PRKACB: variants seen among roughly 807,000 people sequenced by gnomAD.
The protein encoded by PRKACB is protein kinase cAMP-activated catalytic subunit beta, also known as cAMP-dependent protein kinase catalytic subunit beta.
A neutral mutation model predicts 51.4 loss-of-function variants in PRKACB; 16 were observed. The ratio of observed to expected loss-of-function variants is 0.31; its 90% confidence interval spans 0.21 to 0.47. The LOEUF (loss-of-function observed/expected upper bound fraction) is 0.47. PRKACB is among the 20% of genes least tolerant of loss of function. PRKACB has a pLI of 1.00. For missense variants in PRKACB, 309 were observed against 464.5 expected (o/e 0.67, Z 3.08); for synonymous variants, 147 against 154.4 (o/e 0.95, Z 0.35).
chr1:84,148,363 T>C (rs543187540), intron 1 of PRKACB, among the ~76,000 whole-genome samples: 4 of 151,962 alleles, frequency 2.6e-5, no homozygotes, highest in African/African-American at 9.6e-5. Context: ...TTATTTATAG[T>C]ATTTATATGG....
At chr1:84,155,018 A>G (rs1012272986) in intron 1 of PRKACB, among the ~76,000 whole-genome samples, 3 of 152,084 alleles carry the variant, frequency 2.0e-5, no homozygotes, top group African/African-American at 7.2e-5. Flanking sequence ...ATGATACTGG[A>G]AGTCCTATCC....
chr1:84,199,886 C>G (rs1572372905), intron 7 of PRKACB, among the ~76,000 whole-genome samples: 1 of 151,978 alleles, frequency 6.6e-6, no homozygotes, highest in African/African-American at 2.4e-5. Context: ...TGCTCTGTCG[C>G]CCAGGCTGCA....
chr1:84,207,613 C>G (rs1195016501), intron 8 of PRKACB, among the ~76,000 whole-genome samples: 3 of 152,128 alleles, frequency 2.0e-5, no homozygotes, highest in African/African-American at 7.2e-5. Flanking sequence ...TCAACATGCT[C>G]GTAGCCAGTA....
At chr1:84,099,206 G>C (rs1438539382) in intron 1 of PRKACB, among the ~76,000 whole-genome samples, 1 of 152,000 alleles carries the variant, frequency 6.6e-6, no homozygotes, top group African/African-American at 2.4e-5. Context: ...AGAAATATAA[G>C]TACAATACCT....
chr1:84,196,803 G>C, intron 6 of PRKACB, 61 bp downstream of exon 6: 1 of 1,467,188 alleles, frequency 6.8e-7, no homozygotes, highest in Non-Finnish European at 9.2e-7. Context: ...GACATTGTAT[G>C]TATGTAACCC....
chr1:84,227,543 ATG>A (rs757113905), intron 9 of PRKACB, among the ~76,000 whole-genome samples: 6 of 152,258 alleles, frequency 3.9e-5, no homozygotes, highest in Non-Finnish European at 2.9e-5. Flanking sequence ...TATTCCTATT[ATG>A]TGTTTAATTT....
chr1:84,181,817 C>G, intron 2 of PRKACB: 1 of 903,300 alleles, frequency 1.1e-6, no homozygotes, highest in Non-Finnish European at 1.6e-6. Flanking sequence ...GCTTCTATGA[C>G]TCTTTGTCAG....
At chr1:84,105,559 ATTT>A (rs1252908717) in intron 1 of PRKACB, among the ~76,000 whole-genome samples, 2 of 44,822 alleles carry the variant, frequency 4.5e-5, no homozygotes, top group Non-Finnish European at 1.5e-4. Context: ...TTATTTATTT[ATTT>A]ATTTATTTAT....
intron 5 of PRKACB, among the ~76,000 whole-genome samples, chr1:84,189,102 C>A (rs983737773): frequency 6.6e-6 from 1 of 151,698 alleles, no homozygotes; most frequent in Non-Finnish European, 1.5e-5. Flanking sequence ...AAAGAAAAAT[C>A]TTCTGCAGTA....
intron 9 of PRKACB, among the ~76,000 whole-genome samples, chr1:84,231,667 G>C (rs1345723945): frequency 6.6e-6 from 1 of 152,150 alleles, no homozygotes; most frequent in Non-Finnish European, 1.5e-5. Flanking sequence ...TATGTGTCGA[G>C]GAATTTATCC....
intron 5 of PRKACB, among the ~76,000 whole-genome samples, chr1:84,192,280 A>T (rs1667025468): frequency 2.0e-5 from 3 of 152,140 alleles, no homozygotes; most frequent in Admixed American, 1.3e-4. Flanking sequence ...CTGTTAACTG[A>T]GAAAATGTGA....
At chr1:84,203,340 T>G (rs537216743) in intron 8 of PRKACB, among the ~76,000 whole-genome samples, 2 of 152,126 alleles carry the variant, frequency 1.3e-5, no homozygotes, top group East Asian at 3.9e-4. Context: ...AACATGGAAA[T>G]AACATTAATT....
chr1:84,231,614 A>G (rs1037987780), intron 9 of PRKACB, among the ~76,000 whole-genome samples: 2 of 152,228 alleles, frequency 1.3e-5, no homozygotes, highest in Non-Finnish European at 2.9e-5. Flanking sequence ...TTATTGGTCT[A>G]TTCAGAGATT....
At chr1:84,157,108 G>A (rs1432657199) in intron 1 of PRKACB, among the ~76,000 whole-genome samples, 1 of 152,128 alleles carries the variant, frequency 6.6e-6, no homozygotes, top group Non-Finnish European at 1.5e-5. Context: ...CCTTGAGGAG[G>A]ATGGAGTCTA....
In PRKACB at chr1:84,237,730, A is replaced by T. The variant is rs1676780494; in HGVS notation, c.*2425A>T. The T allele has an allele frequency of 6.6e-6, 1 of 152,206 alleles. No individual in the cohort carries two copies. The highest frequency in any genetic ancestry group is 2.4e-5 in the African/African-American group (1 of 41,466). 9.4% of individuals were successfully genotyped at this position (152,206 alleles called of 1,614,324 possible). ...GTAGCATAAATCAGTATTTAACCTA[A>T]AATTACATATTTGAAACAGAAGATA... On this transcript the variant is annotated 3_prime_UTR_variant, in exon 10 of 10. Coordinates refer to ENST00000370685, the MANE Select transcript of PRKACB (RefSeq NM_182948.4).
intron 1 of PRKACB, among the ~76,000 whole-genome samples, chr1:84,157,943 T>C (rs887658966): frequency 6.6e-6 from 1 of 152,134 alleles, no homozygotes; most frequent in African/African-American, 2.4e-5. Context: ...ATATGGTAAA[T>C]TTATGTTTTA....
intron 6 of PRKACB, among the ~76,000 whole-genome samples, 184 bp downstream of exon 6, chr1:84,196,926 A>T (rs559050467): frequency 6.6e-6 from 1 of 152,166 alleles, no homozygotes; most frequent in African/African-American, 2.4e-5. Context: ...GAACTTGTTT[A>T]TATCTCCATT....
In PRKACB at chr1:84,174,446, A is replaced by G. The variant is rs1312637558; in HGVS notation, c.188-4731A>G. On this transcript the variant is annotated intron_variant, in intron 1 of 9. Coordinates refer to ENST00000370685, the MANE Select transcript of PRKACB (RefSeq NM_182948.4). The stretch of plus-strand genomic sequence containing the variant: ...GTTGTAGTCTTTGTCCCATTCCATT[A>G]TGATGATTCATGTAAGCTTCTCATT... Among the ~76,000 whole-genome samples, 3 of 151,842 alleles carry G rather than the reference A, an allele frequency of 2.0e-5. No individual in the cohort carries two copies. The Admixed American group carries it at 2.0e-4, about 10-fold the overall frequency.
intron 4 of PRKACB, 152 bp from the exon 5 acceptor site, chr1:84,184,948 A>G (rs1422752925): frequency 2.5e-6 from 1 of 400,162 alleles, no homozygotes; most frequent in African/African-American, 2.1e-5. Flanking sequence ...GTCTCTGTAT[A>G]GAAAAGCTAG....
Sources: gnomAD v4.1 joint callset for allele counts (sites outside exome capture counted in the v4.1 genomes callset) on GRCh38, gnomAD v4.1.1 for gene constraint, MANE v1.5 for transcripts, NCBI Gene and HGNC (gene_info 2026-07-23, HGNC 2026-07-21) for gene names.